The following VCL variants were observed in gnomAD, a reference collection of about 807,000 sequenced individuals.
VCL encodes the protein vinculin, also known as epididymis luminal protein 114.
Under a neutral mutation model 125.7 loss-of-function variants are expected in VCL, and 47 were observed. The ratio of observed to expected loss-of-function variants is 0.37; its 90% confidence interval spans 0.30 to 0.48. The LOEUF (loss-of-function observed/expected upper bound fraction) is 0.48, where lower values mean the gene tolerates loss of function less well. Ranked by LOEUF, VCL falls within the 20% of genes least tolerant of loss-of-function variation. VCL has a pLI of 0.99. For synonymous variants in VCL, 458 were observed against 514.6 expected (o/e 0.89, Z 1.49); for missense variants, 1,069 against 1,455.5 (o/e 0.73, Z 4.32).
intron 1 of VCL, among the ~76,000 whole-genome samples, chr10:74,033,964 A>G (rs1041610985): frequency 4.6e-5 from 7 of 152,128 alleles, no homozygotes; most frequent in African/African-American, 1.7e-4. Flanking sequence ...TGCTTCTGCT[A>G]CAGTTAATCT....
intron 1 of VCL, among the ~76,000 whole-genome samples, chr10:74,029,218 A>T (rs576633963): frequency 6.6e-6 from 1 of 151,316 alleles, no homozygotes; most frequent in East Asian, 1.9e-4. Flanking sequence ...GGTTCATGCC[A>T]TTCTCCTGCC....
intron 2 of VCL, among the ~76,000 whole-genome samples, chr10:74,050,792 A>G (rs1243977296): frequency 6.6e-6 from 1 of 152,046 alleles, no homozygotes; most frequent in African/African-American, 2.4e-5. Flanking sequence ...TTTGTCTCTT[A>G]ATGTGGATGC....
intron 1 of VCL, among the ~76,000 whole-genome samples, chr10:74,036,091 A>G (rs765010231): frequency 1.3e-5 from 2 of 152,196 alleles, no homozygotes; most frequent in Admixed American, 6.5e-5. Context: ...AGACATGACT[A>G]TATTTATTAT....
At chr10:74,010,510 C>G (rs565199217) in intron 1 of VCL, among the ~76,000 whole-genome samples, 7 of 152,196 alleles carry the variant, frequency 4.6e-5, no homozygotes, top group Non-Finnish European at 8.8e-5. Context: ...CAGTATTTCT[C>G]AGCCTTTTTC....
intron 1 of VCL, among the ~76,000 whole-genome samples, chr10:74,023,371 G>A (rs769957606): frequency 4.6e-5 from 7 of 152,182 alleles, no homozygotes; most frequent in Non-Finnish European, 7.3e-5. Context: ...AGGCTATACC[G>A]TCTAGGTTTG....
intron 2 of VCL, among the ~76,000 whole-genome samples, chr10:74,043,545 C>T (rs1039598740): frequency 1.3e-5 from 2 of 151,970 alleles, no homozygotes; most frequent in Admixed American, 1.3e-4. Context: ...TGGGGTTTCA[C>T]CATGTTGGCC....
rs575748940 is a variant in VCL at position 74,039,991 on chromosome 10, C to T, written c.169-3092C>T. 1.2e-3 allele frequency among the ~76,000 whole-genome samples: 178 copies of T among 152,152 alleles called. 1 individual carries two copies. Among genetic ancestry groups the T allele is most frequent in the Non-Finnish European group, 2.3e-3 (156 of 68,030 alleles). On this transcript the variant is annotated intron_variant, in intron 1 of 21. Coordinates refer to ENST00000211998, the MANE Select transcript of VCL (RefSeq NM_014000.3). The stretch of plus-strand genomic sequence containing the variant: ...TGGCCTCTTTCCAGTTCCTAAAATA[C>T]ACCCAATCTTTTCCTGCATTAGGGC...
At chr10:74,042,966 A>G in intron 1 of VCL, 117 bp from the exon 2 acceptor site, 4 of 1,095,862 alleles carry the variant, frequency 3.7e-6, no homozygotes, top group Non-Finnish European at 5.3e-6. Flanking sequence ...ATCTCCCTTA[A>G]ATCTAGAAAC....
At chr10:74,051,365 T>C (rs1564518176) in intron 2 of VCL, among the ~76,000 whole-genome samples, 1 of 152,098 alleles carries the variant, frequency 6.6e-6, no homozygotes, top group Non-Finnish European at 1.5e-5. Context: ...GCTTCCCGAG[T>C]AGCTGGGACT....
chr10:74,104,659 T>C (rs1398149782), intron 15 of VCL, among the ~76,000 whole-genome samples: 1 of 152,098 alleles, frequency 6.6e-6, no homozygotes, highest in Non-Finnish European at 1.5e-5. Flanking sequence ...CACTACAAGC[T>C]GCCAACAAGC....
At chr10:74,100,902 C>G in intron 13 of VCL, 46 bp from the exon 14 acceptor site, 2 of 1,610,792 alleles carry the variant, frequency 1.2e-6, no homozygotes, top group East Asian at 4.5e-5. Flanking sequence ...GCTGCCTGAC[C>G]CATTTTATTG....
chr10:74,120,703 A>AGAT (rs1258502509), downstream of VCL: 1 of 152,372 alleles, frequency 6.6e-6, no homozygotes, highest in East Asian at 1.9e-4. Flanking sequence ...TTTTTAGTAG[A>AGAT]GATGGAGTTT....
In VCL at chr10:74,071,231, G is replaced by A; in HGVS notation, c.499+148G>A. ...CTGCTCTGTTGATGGAGATGATGCT[G>A]TGCTTTGAGGTGATGTCATTATCTC... On this transcript the variant is annotated intron_variant, in intron 4 of 21. Transcript: ENST00000211998. The surrounding 1 kb of genome is among the most constrained non-coding windows in gnomAD (Gnocchi z 4.1). The A allele has an allele frequency of 1.4e-6, 1 of 732,854 alleles. No homozygotes were observed. The highest frequency in any genetic ancestry group is 2.4e-6 in the Non-Finnish European group (1 of 415,266). 45.4% of individuals were successfully genotyped at this position (732,854 alleles called of 1,614,324 possible).
Position 74,109,108 on chromosome 10 carries a change from G to A in VCL, c.2697G>A (p.Met899Ile), listed in dbSNP as rs771337725. 1 of 1,614,040 alleles carries A rather than the reference G, an allele frequency of 6.2e-7. No individual in the cohort carries two copies. Among genetic ancestry groups the A allele is most frequent in the African/African-American group, 1.3e-5 (1 of 74,930 alleles). ...GGGAGGTGATTAACCAGCCAATGAT[G>A]ATGGCTGCCAGACAGCTCCATGATG... Reference protein sequence around the residue: ...KAGEVINQPMMMAARQLHDEA... With the variant: ...KAGEVINQPMIMAARQLHDEA... The change falls in exon 18 of 22, where the codon ATG becomes ATA. Residue 899 changes from methionine to isoleucine, a missense_variant. Around this residue, in one of 6 missense-constraint regions of VCL, gnomAD observed 28 missense variants for 65.1 expected, o/e 0.43. Coordinates refer to ENST00000211998, the MANE Select transcript of VCL (RefSeq NM_014000.3).
chr10:74,021,059 C>T (rs930996542), intron 1 of VCL, among the ~76,000 whole-genome samples: 22 of 151,858 alleles, frequency 1.4e-4, no homozygotes, highest in Non-Finnish European at 2.8e-4. Context: ...AAATAAGTTC[C>T]GTATTTCCCC....
intron 2 of VCL, among the ~76,000 whole-genome samples, chr10:74,045,420 C>T (rs187063966): frequency 8.6e-5 from 13 of 151,742 alleles, no homozygotes; most frequent in Admixed American, 5.9e-4. Context: ...GTCAGGAGTT[C>T]GAGATCAGCC....
At chr10:74,082,643 AAC>A in intron 7 of VCL, 99 bp downstream of exon 7, 1 of 1,233,928 alleles carries the variant, frequency 8.1e-7, no homozygotes, top group Non-Finnish European at 1.2e-6. Context: ...CATCTGAGAG[AAC>A]TACTGTAACA....
chr10:74,035,980 A>G (rs951427603), intron 1 of VCL, among the ~76,000 whole-genome samples: 1 of 152,210 alleles, frequency 6.6e-6, no homozygotes, highest in African/African-American at 2.4e-5. Context: ...GGATGTGTGT[A>G]AGTTATATTC....
At chr10:74,012,287 A>G (rs937009248) in intron 1 of VCL, among the ~76,000 whole-genome samples, 1 of 152,182 alleles carries the variant, frequency 6.6e-6, no homozygotes, top group Non-Finnish European at 1.5e-5. Context: ...ATCTCATAAG[A>G]AAAAATGTAG....
Sources: gnomAD v4.1 joint callset for allele counts (sites outside exome capture counted in the v4.1 genomes callset) on GRCh38, gnomAD v4.1.1 for gene constraint, gnomAD v4.1.1 regional missense constraint, Gnocchi (gnomAD v3.1) non-coding constraint, MANE v1.5 for transcripts, NCBI Gene and HGNC (gene_info 2026-07-23, HGNC 2026-07-21) for gene names.